Variants in LTBP4 observed in about 807,000 individuals in gnomAD.
LTBP4 encodes latent transforming growth factor beta binding protein 4.
In LTBP4, 93 loss-of-function variants were observed where a neutral mutation model predicts 180.2. The observed-to-expected ratio is 0.52, with a 90% CI of 0.44 to 0.61. The LOEUF (loss-of-function observed/expected upper bound fraction) is 0.61, where lower values mean the gene tolerates loss of function less well. LTBP4 is among the 20% of genes least tolerant of loss of function. The pLI, the probability that LTBP4 is intolerant of heterozygous loss-of-function variation, is 0.00. For missense variants in LTBP4, 2,116 were observed against 2,256.5 expected, an observed-to-expected ratio of 0.94 and a Z score of 1.26; for synonymous variants, 947 against 934.5, an observed-to-expected ratio of 1.01 and a Z score of -0.24.
chr19:40,603,378 G>A (rs923442351), intron 1 of LTBP4, among the ~76,000 whole-genome samples: 1 of 152,104 alleles, frequency 6.6e-6, no homozygotes, highest in African/African-American at 2.4e-5. Flanking sequence ...AGAGGGACTC[G>A]GCCAATTGAG....
Position 40,622,284 on chromosome 19 carries a change from C to T in LTBP4, c.3218-117C>T. On this transcript the variant is annotated intron_variant, in intron 22 of 29. Coordinates refer to ENST00000396819, the MANE Select transcript of LTBP4 (RefSeq NM_001042545.2). This position sits in a 1 kb window ranked among gnomAD's most constrained non-coding sequence, Gnocchi z 5.1. ...TGAGAGGTGTGGAGTCTGGTTCTGC[C>T]ACTGATGGCTGCCACCCTCTGTTTC... The T allele has an allele frequency of 8.5e-7, 1 of 1,177,984 alleles. No individual in the cohort carries two copies. The highest frequency in any genetic ancestry group is 2.2e-4 in the Middle Eastern group (1 of 4,472). 73.0% of individuals were successfully genotyped at this position (1,177,984 alleles called of 1,614,324 possible).
chr19:40,605,901 C>G lies in LTBP4; in HGVS notation c.793+70C>G. On this transcript the variant is annotated intron_variant, in intron 4 of 29. Transcript: ENST00000396819. This position sits in a 1 kb window ranked among gnomAD's most constrained non-coding sequence, Gnocchi z 5.5. Reference sequence around the variant, plus strand: ...TGACAACCTCACCGTTCCTCCTACTCTGCCCTAGATAAACCCAGTTCACAA... The same window carrying G: ...TGACAACCTCACCGTTCCTCCTACTGTGCCCTAGATAAACCCAGTTCACAA... 6.8e-7 allele frequency: 1 copy of G among 1,469,362 alleles called. No individual in the cohort carries two copies. The highest frequency in any genetic ancestry group is 1.4e-5 in the African/African-American group (1 of 71,602). The allele number at this position is 1,469,362 out of a possible 1,614,324, so 91.0% of individuals were successfully genotyped here.
At chr19:40,603,951 G>C (rs934641495) in intron 1 of LTBP4, among the ~76,000 whole-genome samples, 9 of 152,266 alleles carry the variant, frequency 5.9e-5, no homozygotes, top group African/African-American at 2.2e-4. Context: ...GGTGGCCTGG[G>C]GCCCAGCGAG....
rs759684147 is a variant in LTBP4 at position 40,613,371 on chromosome 19, C to G, written c.2432-33C>G. 10 of 1,596,458 alleles carry G rather than the reference C, an allele frequency of 6.3e-6. No individual in the cohort carries two copies. In the East Asian group the frequency reaches 2.3e-4, roughly 36 times the overall value. On this transcript the variant is annotated intron_variant, in intron 16 of 29. Transcript: ENST00000396819. This position sits in a 1 kb window ranked among gnomAD's most constrained non-coding sequence, Gnocchi z 5.0. ...CGGAGCTTGTCTGGGAGGCCGGGTC[C>G]CGTGACTCCGCCCAATCTCCCGCGT...
Position 40,609,733 on chromosome 19 carries a change from T to G in LTBP4, c.1559-13T>G. 1 of 1,611,428 alleles carries G rather than the reference T, an allele frequency of 6.2e-7. No homozygotes were observed. Among genetic ancestry groups the G allele is most frequent in the Non-Finnish European group, 8.5e-7 (1 of 1,178,346 alleles). On this transcript the variant is annotated splice_polypyrimidine_tract_variant and intron_variant, in intron 10 of 29. Transcript: ENST00000396819. The surrounding 1 kb of genome is among the most constrained non-coding windows in gnomAD (Gnocchi z 4.9). Reference sequence around the variant, plus strand: ...CCTGGTCACCTTGTCACCAGCCCCCTCCGTGTCCTCAGATGTGGACGAATG... The same window carrying G: ...CCTGGTCACCTTGTCACCAGCCCCCGCCGTGTCCTCAGATGTGGACGAATG...
Position 40,627,765 on chromosome 19 carries a change from G to T in LTBP4, c.4427G>T (p.Cys1476Phe). Residue 1476 changes from cysteine to phenylalanine, a missense_variant, in exon 29 of 30, where the codon TGC (cysteine) becomes TTC (phenylalanine). Around this residue, in one of 5 missense-constraint regions of LTBP4, gnomAD observed 488 missense variants for 458.8 expected, o/e 1.06. Coordinates refer to ENST00000396819, the MANE Select transcript of LTBP4 (RefSeq NM_001042545.2). ...GAGGAGTGCGGGATCCTGGACGGCTGCACCAACGGCCGCTGCGTGCGCGTC... is the reference window on the plus strand; with the variant it reads ...GAGGAGTGCGGGATCCTGGACGGCTTCACCAACGGCCGCTGCGTGCGCGTC... Reference protein sequence around the residue: ...EAEECGILDGCTNGRCVRVPE... With the variant: ...EAEECGILDGFTNGRCVRVPE... 6.3e-7 allele frequency: 1 copy of T among 1,588,116 alleles called. No individual in the cohort carries two copies.
Position 40,601,517 on chromosome 19 carries a change from C to A in LTBP4, c.130C>A (p.Arg44Ser). 1 of 1,499,504 alleles carries A rather than the reference C, an allele frequency of 6.7e-7. No individual in the cohort carries two copies. Among genetic ancestry groups the A allele is most frequent in the African/African-American group, 1.5e-5 (1 of 68,938 alleles). 92.9% of individuals were successfully genotyped at this position (1,499,504 alleles called of 1,614,324 possible). A position where few individuals can be genotyped will look rare whatever the true frequency, so the allele number is the denominator to read the frequency against. ...VRFTPVVCGL[R>S]CVHGPTGSRC... ...CTTCACCCCGGTCGTGTGCGGCCTGCGCTGCGTCCATGGGCCGACCGGCTC... is the reference window on the plus strand; with the variant it reads ...CTTCACCCCGGTCGTGTGCGGCCTGAGCTGCGTCCATGGGCCGACCGGCTC... Residue 44 changes from arginine to serine, a missense_variant, in exon 1 of 30, where the codon CGC becomes AGC. Arg to Ser is a moderately radical substitution (Grantham distance 110, BLOSUM62 -1). Around this residue, in one of 5 missense-constraint regions of LTBP4, gnomAD observed 469 missense variants for 532.5 expected, o/e 0.88. Transcript: ENST00000396819.
At chr19:40,602,145 TTGTGTGTGTGTGTGTG>T (rs751242257) in intron 1 of LTBP4, among the ~76,000 whole-genome samples, 1 of 81,782 alleles carries the variant, frequency 1.2e-5, no homozygotes, top group Non-Finnish European at 2.3e-5. Flanking sequence ...GAGACGGGGG[TTGTGTGTGTGTGTGTG>T]TGTGTGTGTG....
chr19:40,626,455 G>GCCTT (rs1471177509), intron 27 of LTBP4, among the ~76,000 whole-genome samples: 1 of 151,942 alleles, frequency 6.6e-6, no homozygotes, highest in East Asian at 1.9e-4. Context: ...AAGTCCCATT[G>GCCTT]CCTTACACAC....
Position 40,622,271 on chromosome 19 carries a change from AG to A in LTBP4, c.3218-129del. On this transcript the variant is annotated intron_variant, in intron 22 of 29. Coordinates refer to ENST00000396819, the MANE Select transcript of LTBP4 (RefSeq NM_001042545.2). The surrounding 1 kb of genome is among the most constrained non-coding windows in gnomAD (Gnocchi z 5.1). ...TGACAGAGGAGCGTGAGAGGTGTGG[AG>A]TCTGGTTCTGCCACTGATGGCTGCC... The A allele has an allele frequency of 1.1e-6, 1 of 950,146 alleles. No individual in the cohort carries two copies. Among genetic ancestry groups the A allele is most frequent in the South Asian group, 1.9e-5 (1 of 52,690 alleles). 58.9% of individuals were successfully genotyped at this position (950,146 alleles called of 1,614,324 possible).
chr19:40,601,775 A>C (rs1168484745), intron 1 of LTBP4, 138 bp downstream of exon 1: 3 of 735,608 alleles, frequency 4.1e-6, no homozygotes, highest in Non-Finnish European at 5.7e-6. Flanking sequence ...GGGCTATTTG[A>C]GGAAGGGGGC....
rs2604902 is a variant in LTBP4 at position 40,609,134 on chromosome 19, T to C, written c.1427-396T>C. Reference sequence around the variant, plus strand: ...AACCTCTGAGACTCAGTTTTCTCATTGGTAAAATGGGGATGGTTGTTGAGA... The same window carrying C: ...AACCTCTGAGACTCAGTTTTCTCATCGGTAAAATGGGGATGGTTGTTGAGA... On this transcript the variant is annotated intron_variant, in intron 9 of 29. Transcript: ENST00000396819. This position sits in a 1 kb window ranked among gnomAD's most constrained non-coding sequence, Gnocchi z 4.9. 0.5 allele frequency among the ~76,000 whole-genome samples: 75,532 copies of C among 151,870 alleles called. 19,928 individuals carry two copies. Among genetic ancestry groups the C allele is most frequent in the African/African-American group, 0.67 (27,930 of 41,388 alleles).
chr19:40,604,400 C>T (rs1268024522), intron 1 of LTBP4, among the ~76,000 whole-genome samples: 1 of 151,902 alleles, frequency 6.6e-6, no homozygotes, highest in African/African-American at 2.4e-5. Flanking sequence ...TGGTTTGAGT[C>T]AATGGAAGGG....
chr19:40,610,868 G>T, intron 12 of LTBP4: 1 of 799,736 alleles, frequency 1.3e-6, no homozygotes, highest in Non-Finnish European at 1.9e-6. Context: ...AGTCATGAAA[G>T]ATGGAGAAGC....
intron 21 of LTBP4, 46 bp downstream of exon 21, chr19:40,617,271 G>T (rs1355026755): frequency 6.3e-7 from 1 of 1,590,752 alleles, no homozygotes; most frequent in Non-Finnish European, 8.6e-7. Context: ...GGTGGGGGAG[G>T]TTGGTCAGGC....
rs748958141 is a variant in LTBP4 at position 40,609,549 on chromosome 19, T to C, written c.1446T>C (p.Cys482=). Residue 482 remains cysteine, a synonymous_variant, in exon 10 of 30, where the codon TGT becomes TGC. Coordinates refer to ENST00000396819, the MANE Select transcript of LTBP4 (RefSeq NM_001042545.2). This position sits in a 1 kb window ranked among gnomAD's most constrained non-coding sequence, Gnocchi z 4.9. The stretch of plus-strand genomic sequence containing the variant: ...CCCCAGGTCCCTCCTCCGGCATGTG[T>C]CAGCGCAACCCCCAGGTCTGCGGCC... The part of the protein sequence containing the change: ...IPESGPSSGM[C]QRNPQVCGPG... 6.2e-7 allele frequency: 1 copy of C among 1,613,250 alleles called. No individual in the cohort carries two copies. Among genetic ancestry groups the C allele is most frequent in the Non-Finnish European group, 8.5e-7 (1 of 1,179,732 alleles).
At chr19:40,625,291 TATA>T (rs2081622155) in intron 26 of LTBP4, among the ~76,000 whole-genome samples, 1 of 11,450 alleles carries the variant, frequency 8.7e-5, no homozygotes, top group African/African-American at 1.0e-3. Flanking sequence ...TATATATATA[TATA>T]TATATATATA....
chr19:40,594,368 T>C (rs1426374102), intron 1 of LTBP4, among the ~76,000 whole-genome samples: 2 of 151,088 alleles, frequency 1.3e-5, no homozygotes, highest in South Asian at 2.1e-4. Context: ...TCCTGGGAGA[T>C]AGTGACACTG....
In LTBP4 at chr19:40,623,087, T is replaced by C. The variant is rs2081598078; in HGVS notation, c.3556+66T>C. The C allele has an allele frequency of 2.4e-6, 3 of 1,274,296 alleles. No individual in the cohort carries two copies. In the East Asian group the frequency reaches 7.6e-5, roughly 32 times the overall value. 78.9% of individuals were successfully genotyped at this position (1,274,296 alleles called of 1,614,324 possible). A position where few individuals can be genotyped will look rare whatever the true frequency, so the allele number is the denominator to read the frequency against. ...GGCCCAGCTTCGTCTCTTCCTGTTTTCTTTGCCTCTGTCTCTCACCCTTTC... is the reference window on the plus strand; with the variant it reads ...GGCCCAGCTTCGTCTCTTCCTGTTTCCTTTGCCTCTGTCTCTCACCCTTTC... On this transcript the variant is annotated intron_variant, in intron 24 of 29. Coordinates refer to ENST00000396819, the MANE Select transcript of LTBP4 (RefSeq NM_001042545.2).
Sources: allele counts gnomAD v4.1 joint callset (sites outside exome capture counted in the v4.1 genomes callset), GRCh38; gene constraint gnomAD v4.1.1; regional missense constraint gnomAD v4.1.1; non-coding constraint Gnocchi (gnomAD v3.1); transcripts MANE v1.5; gene names NCBI Gene and HGNC (gene_info 2026-07-23, HGNC 2026-07-21).